CACNA1H: variants seen among roughly 807,000 people sequenced by gnomAD.
CACNA1H encodes calcium voltage-gated channel subunit alpha1 H, also known as voltage-dependent T-type calcium channel subunit alpha-1H.
In CACNA1H, 149 loss-of-function variants were observed where a neutral mutation model predicts 192.5. That is an observed-to-expected ratio of 0.77 (90% CI 0.68 to 0.89). The LOEUF (loss-of-function observed/expected upper bound fraction) is 0.89. Ranked by LOEUF, CACNA1H falls within the 40% of genes least tolerant of loss-of-function variation. The pLI is 0.00. For missense variants in CACNA1H, 4,257 were observed against 3,423.5 expected (o/e 1.24, Z -6.08); for synonymous variants, 2,202 against 1,475.2 (o/e 1.49, Z -11.29).
At chr16:1,218,161 C>T (rs1177654868) in intron 32 of CACNA1H, 49 bp from the exon 33 acceptor site, 5 of 1,533,910 alleles carry the variant, frequency 3.3e-6, no homozygotes, top group Non-Finnish European at 4.4e-6. Flanking sequence ...GCCAGGGTGG[C>T]ACCCGCGGGT....
At chr16:1,177,853 C>T (rs1453501086) in intron 2 of CACNA1H, among the ~76,000 whole-genome samples, 1 of 151,928 alleles carries the variant, frequency 6.6e-6, no homozygotes, top group Non-Finnish European at 1.5e-5. Context: ...CCTGACCTCA[C>T]CTCATCCCAG....
rs57260464 is a variant in CACNA1H at position 1,202,274 on chromosome 16, G to A, written c.1824G>A (p.Leu608=). The A allele has an allele frequency of 1.1e-3, 1,702 of 1,579,758 alleles. 20 individuals are homozygous for A. The Middle Eastern group carries it at 0.012, about 11-fold the overall frequency. The change falls in exon 9 of 35, where the codon CTG becomes CTA. Residue 608 remains leucine, a synonymous_variant. Coordinates refer to ENST00000348261, the MANE Select transcript of CACNA1H (RefSeq NM_021098.3). ...AAASLRLATG[L]GTMNYPTILP... is the part of the protein sequence containing the mutation. ...CCAGCCTCAGACTGGCCACAGGGCT[G>A]GGCACCATGAACTACCCCACGATCC...
intron 11 of CACNA1H, 36 bp downstream of exon 11, chr16:1,205,301 G>C (rs770428567): frequency 6.4e-7 from 1 of 1,571,828 alleles, no homozygotes; most frequent in Non-Finnish European, 8.7e-7. Context: ...AGAGGGGCCC[G>C]GGAAGCTCCA....
At chr16:1,172,148 G>A (rs989738740) in intron 2 of CACNA1H, among the ~76,000 whole-genome samples, 2 of 152,198 alleles carry the variant, frequency 1.3e-5, no homozygotes, top group Non-Finnish European at 2.9e-5. Flanking sequence ...GGCGTGGGCC[G>A]CACACGGTGG....
In CACNA1H at chr16:1,221,192, C is replaced by T. The variant is rs115973301; in HGVS notation, c.*198C>T. ...CTGCCGGGCCCCACGAGCCTCCGTC[C>T]GTTCTGGTTCGGGTTTCTCCGAGTT... On this transcript the variant is annotated 3_prime_UTR_variant, in exon 35 of 35. Transcript: ENST00000348261. 660 of 528,848 alleles carry T rather than the reference C, an allele frequency of 1.2e-3. 5 individuals carry two copies. The highest frequency in any genetic ancestry group is 0.01 in the African/African-American group (548 of 52,738). The allele number at this position is 528,848 out of a possible 1,614,324, so 32.8% of individuals were successfully genotyped here.
chr16:1,163,115 A>G (rs1963393762), intron 2 of CACNA1H, among the ~76,000 whole-genome samples: 1 of 152,234 alleles, frequency 6.6e-6, no homozygotes, highest in African/African-American at 2.4e-5. Flanking sequence ...GGCAGCCTGC[A>G]GAAAGGTGTA....
intron 8 of CACNA1H, 84 bp downstream of exon 8, chr16:1,200,892 G>C: frequency 9.7e-7 from 1 of 1,035,810 alleles, no homozygotes; most frequent in Non-Finnish European, 1.5e-6. Context: ...GTGGTCATAG[G>C]GGCTCCTGTC....
rs1555515663 is a variant in CACNA1H, at chr16:1,209,268, C to G, written c.3600C>G (p.Asp1200Glu). The G allele has an allele frequency of 6.4e-7, 1 of 1,552,220 alleles. No individual in the cohort carries two copies. The highest frequency in any genetic ancestry group is 8.7e-7 in the Non-Finnish European group (1 of 1,153,146). ...CACTGCGGCGGGCCGAGTCCCTGGA[C>G]CCACGGCCCCTGCGGCCGGCCGCCC... ...ATPLRRAESLDPRPLRPAALP... is the reference protein window; with the variant it reads ...ATPLRRAESLEPRPLRPAALP... The change falls in exon 17 of 35, where the codon GAC (aspartate) becomes GAG (glutamate). Residue 1200 changes from aspartate to glutamate, a missense_variant. By Grantham distance (45) the Asp-to-Glu change is conservative. Coordinates refer to ENST00000348261, the MANE Select transcript of CACNA1H (RefSeq NM_021098.3).
chr16:1,175,929 C>T (rs1964840073), intron 2 of CACNA1H, among the ~76,000 whole-genome samples: 1 of 152,162 alleles, frequency 6.6e-6, no homozygotes, highest in Non-Finnish European at 1.5e-5. Flanking sequence ...TCTGCAACAG[C>T]CTGGAGTTTG....
intron 2 of CACNA1H, among the ~76,000 whole-genome samples, chr16:1,161,756 C>G (rs113492219): frequency 6.6e-6 from 1 of 152,124 alleles, no homozygotes; most frequent in Non-Finnish European, 1.5e-5. Flanking sequence ...GTGGCCAGTG[C>G]GGCGGCTGAT....
chr16:1,200,103 C>G (rs1208370853), intron 6 of CACNA1H, among the ~76,000 whole-genome samples, 153 bp from the exon 7 acceptor site: 1 of 152,102 alleles, frequency 6.6e-6, no homozygotes, highest in Non-Finnish European at 1.5e-5. Context: ...CCCCCTGACC[C>G]TAACCGTGCC....
chr16:1,198,683 T>C lies in CACNA1H; in HGVS notation c.712T>C (p.Phe238Leu). ...PMLGNVLLLC[F>L]FVFFIFGIVG... Reference sequence around the variant, plus strand: ...GCTCGGGAACGTCCTTCTGCTGTGCTTCTTCGTCTTCTTCATTTTCGGCAT... The same window carrying C: ...GCTCGGGAACGTCCTTCTGCTGTGCCTCTTCGTCTTCTTCATTTTCGGCAT... Residue 238 changes from phenylalanine to leucine, a missense_variant, in exon 6 of 35, where the codon TTC becomes CTC. Coordinates refer to ENST00000348261, the MANE Select transcript of CACNA1H (RefSeq NM_021098.3). The C allele has an allele frequency of 6.2e-7, 1 of 1,613,514 alleles. No individual in the cohort carries two copies. Among genetic ancestry groups the C allele is most frequent in the Middle Eastern group, 1.7e-4 (1 of 6,058 alleles).
In CACNA1H at chr16:1,218,308, G is replaced by A. The variant is rs1970200638; in HGVS notation, c.5544G>A (p.Gln1848=). The A allele has an allele frequency of 1.3e-6, 2 of 1,555,710 alleles. No homozygotes were observed. The highest frequency in any genetic ancestry group is 1.7e-6 in the Non-Finnish European group (2 of 1,150,050). The change falls in exon 33 of 35, where the codon CAG becomes CAA. Residue 1848 remains glutamine (Q), a synonymous_variant. Transcript: ENST00000348261. ...VYFVTFVLVA[Q]FVLVNVVVAV... ...TCGTGACCTTCGTGCTGGTGGCCCA[G>A]TTCGTGCTGGTGAACGTGGTGGTGG...
Position 1,215,333 on chromosome 16 carries a change from C to G in CACNA1H, c.5131C>G (p.Pro1711Ala), listed in dbSNP as rs1396246549. 1 of 1,612,058 alleles carries G rather than the reference C, an allele frequency of 6.2e-7. No individual in the cohort carries two copies. The highest frequency in any genetic ancestry group is 8.5e-7 in the Non-Finnish European group (1 of 1,179,462). The part of the protein sequence containing the change: ...IEMSAALPIN[P>A]TIIRIMRVLR... ...GATGAGCGCCGCGCTGCCCATCAAC[C>G]CCACCATCATCCGCATCATGCGCGT... Residue 1711 changes from proline to alanine, a missense_variant, in exon 29 of 35, where the codon CCC becomes GCC. Coordinates refer to ENST00000348261, the MANE Select transcript of CACNA1H (RefSeq NM_021098.3).
chr16:1,189,057 A>G (rs1966345834), intron 2 of CACNA1H, among the ~76,000 whole-genome samples: 1 of 148,542 alleles, frequency 6.7e-6, no homozygotes, highest in South Asian at 2.1e-4. Flanking sequence ...GGCGGTGCCC[A>G]TGTGGGAAGG....
At chr16:1,161,589 G>A (rs1230268860) in intron 2 of CACNA1H, among the ~76,000 whole-genome samples, 1 of 152,212 alleles carries the variant, frequency 6.6e-6, no homozygotes, top group Non-Finnish European at 1.5e-5. Flanking sequence ...ACCCCTGCCA[G>A]CCTGGGCAGT....
At chr16:1,177,645 G>A (rs565150399) in intron 2 of CACNA1H, among the ~76,000 whole-genome samples, 2 of 152,050 alleles carry the variant, frequency 1.3e-5, no homozygotes, top group Non-Finnish European at 2.9e-5. Context: ...CGTGGTGGCC[G>A]GGGACAGAGG....
At position 1,204,016 on chromosome 16, in the gene CACNA1H, G is replaced by GC. The variant is rs2141277500; in HGVS notation, c.2011dup (p.Gln671ProfsTer26). 6.5e-7 allele frequency: 1 copy of GC among 1,549,634 alleles called. No homozygotes were observed. The highest frequency in any genetic ancestry group is 1.2e-5 in the South Asian group (1 of 84,698). ...TCTGTGCCCTCTCCCGCAGGACTGG[G>GC]CCAGGCCCCTGGCCATCTGTCGGGC... On this transcript the variant is annotated frameshift_variant, in exon 10 of 35. Coordinates refer to ENST00000348261, the MANE Select transcript of CACNA1H (RefSeq NM_021098.3). LOFTEE classifies it high-confidence loss of function.
At position 1,202,072 on chromosome 16, in the gene CACNA1H, C is replaced by G; in HGVS notation, c.1622C>G (p.Pro541Arg). 2 of 1,540,784 alleles carry G rather than the reference C, an allele frequency of 1.3e-6. No homozygotes were observed. Among genetic ancestry groups the G allele is most frequent in the Non-Finnish European group, 1.7e-6 (2 of 1,144,968 alleles). ...FSHGSPRRPG[P>R]EPGACDTRLV... Reference sequence around the variant, plus strand: ...CATGGCAGCCCCCGCAGGCCCGGCCCCGAGCCAGGCGCCTGCGACACCAGG... The same window carrying G: ...CATGGCAGCCCCCGCAGGCCCGGCCGCGAGCCAGGCGCCTGCGACACCAGG... Residue 541 changes from proline (P) to arginine (R), a missense_variant, in exon 9 of 35, where the codon CCC (proline) becomes CGC (arginine). Transcript: ENST00000348261.
Sources: gnomAD v4.1 joint callset for allele counts (sites outside exome capture counted in the v4.1 genomes callset) on GRCh38, gnomAD v4.1.1 for gene constraint, MANE v1.5 for transcripts, NCBI Gene and HGNC (gene_info 2026-07-23, HGNC 2026-07-21) for gene names.